TCF3: variants seen among roughly 807,000 people sequenced by gnomAD.
TCF3 encodes the protein transcription factor E2-alpha.
TCF3 carries 54 observed loss-of-function variants against 72.3 expected under a neutral mutation model. The ratio of observed to expected loss-of-function variants is 0.75; its 90% CI spans 0.60 to 0.94. The LOEUF (loss-of-function observed/expected upper bound fraction) is 0.94. Among genes scored for constraint, TCF3 ranks in the 40% least tolerant of loss-of-function variants. The probability of loss-of-function intolerance (pLI) is 0.00; values close to 1 mark genes in which losing one functional copy is unlikely to be tolerated. For synonymous variants in TCF3, 525 were observed against 412.6 expected (o/e 1.27, Z -3.30); for missense variants, 1,078 against 934.4 (o/e 1.15, Z -2.00).
At chr19:1,623,380 C>T (rs570884339) in intron 8 of TCF3, among the ~76,000 whole-genome samples, 107 of 148,518 alleles carry the variant, frequency 7.2e-4, no homozygotes, top group Admixed American at 2.8e-3. Flanking sequence ...CGGCACCCCC[C>T]GCTTTTTTTT....
chr19:1,641,771 T>A (rs1044968082), intron 3 of TCF3, among the ~76,000 whole-genome samples: 4 of 152,072 alleles, frequency 2.6e-5, no homozygotes, highest in East Asian at 1.9e-4. Context: ...TCTTTTTTTT[T>A]AAACAGAGAC....
intron 3 of TCF3, 120 bp downstream of exon 3, chr19:1,646,235 G>A: frequency 9.0e-7 from 1 of 1,113,924 alleles, no homozygotes; most frequent in South Asian, 1.5e-5. Flanking sequence ...CCCGGCCTGT[G>A]TGGCCCTTTC....
At chr19:1,629,822 G>A (rs999638528) in intron 5 of TCF3, among the ~76,000 whole-genome samples, 24 of 152,162 alleles carry the variant, frequency 1.6e-4, no homozygotes, top group Non-Finnish European at 2.9e-4. Flanking sequence ...AAAGTTCAAC[G>A]ATTTCCCAAC....
chr19:1,644,966 T>C (rs1342771961), intron 3 of TCF3, among the ~76,000 whole-genome samples: 1 of 152,072 alleles, frequency 6.6e-6, no homozygotes, highest in Non-Finnish European at 1.5e-5. Flanking sequence ...CTGGGGCTGT[T>C]TCCGGGGGGC....
At position 1,610,501 on chromosome 19, in the gene TCF3, C is replaced by G. The variant is rs2060906280; in HGVS notation, c.*1206G>C. 8.6e-6 allele frequency: 2 copies of G among 231,348 alleles called. No homozygotes were observed. Among genetic ancestry groups the G allele is most frequent in the Non-Finnish European group, 1.7e-5 (2 of 117,020 alleles). The allele number at this position is 231,348 out of a possible 1,614,324, so 14.3% of individuals were successfully genotyped here. ...GAGTTCAGAGCATGAGCCTGGGTCC[C>G]TGGGGCAAAGGAGTGAAGGACAGGG... is the stretch of plus-strand genomic sequence containing the variant. On this transcript the variant is annotated 3_prime_UTR_variant, in exon 19 of 19. Coordinates refer to ENST00000262965, the MANE Select transcript of TCF3 (RefSeq NM_003200.5).
In TCF3 at chr19:1,609,582, G is replaced by C. The variant is rs2060847301; in HGVS notation, c.*2125C>G. On this transcript the variant is annotated 3_prime_UTR_variant, in exon 19 of 19. Coordinates refer to ENST00000262965, the MANE Select transcript of TCF3 (RefSeq NM_003200.5). ...AACGCACAGTTCCAGAGGCTATGGG[G>C]CCACTGCCCACCCAGACCTAGGGGC... 1 of 221,906 alleles carries C rather than the reference G, an allele frequency of 4.5e-6. No homozygotes were observed. The highest frequency in any genetic ancestry group is 5.8e-5 in the Admixed American group (1 of 17,334). The allele number at this position is 221,906 out of a possible 1,614,324, so 13.7% of individuals were successfully genotyped here. A position where few individuals can be genotyped will look rare whatever the true frequency, so the allele number is the denominator to read the frequency against.
At chr19:1,630,196 G>A (rs897428818) in intron 5 of TCF3, among the ~76,000 whole-genome samples, 7 of 152,162 alleles carry the variant, frequency 4.6e-5, no homozygotes, top group African/African-American at 1.7e-4. Context: ...GAAGAGGCTG[G>A]GAGGAAGGAA....
chr19:1,652,109 G>C (rs570094068), intron 1 of TCF3, among the ~76,000 whole-genome samples, 191 bp downstream of exon 1: 189 of 149,646 alleles, frequency 1.3e-3, no homozygotes, highest in African/African-American at 4.5e-3. Context: ...GCTCCTCCAC[G>C]TCGCCGCCCC....
chr19:1,618,367 G>T (rs1000652513), intron 16 of TCF3, among the ~76,000 whole-genome samples: 1 of 152,100 alleles, frequency 6.6e-6, no homozygotes, highest in African/African-American at 2.4e-5. Flanking sequence ...TGTCCTCCAA[G>T]CAGCCACCAG....
At chr19:1,637,904 A>G (rs550443450) in intron 3 of TCF3, among the ~76,000 whole-genome samples, 22 of 151,984 alleles carry the variant, frequency 1.4e-4, no homozygotes, top group African/African-American at 4.6e-4. Context: ...GCGAGACTCC[A>G]CCTCAAAAAA....
At chr19:1,648,078 G>A (rs920619451) in intron 2 of TCF3, among the ~76,000 whole-genome samples, 5 of 152,160 alleles carry the variant, frequency 3.3e-5, no homozygotes, top group Non-Finnish European at 7.4e-5. Context: ...CGGGTCCTTC[G>A]TTCCCGACCA....
Position 1,618,964 on chromosome 19 carries a change from C to T in TCF3, c.1450+147G>A, listed in dbSNP as rs967113909. 1.3e-5 allele frequency: 18 copies of T among 1,353,994 alleles called. No homozygotes were observed. The African/African-American group carries it at 2.5e-4, about 19-fold the overall frequency. 83.9% of individuals were successfully genotyped at this position (1,353,994 alleles called of 1,614,324 possible). A position where few individuals can be genotyped will look rare whatever the true frequency, so the allele number is the denominator to read the frequency against. On this transcript the variant is annotated intron_variant, in intron 16 of 18. Coordinates refer to ENST00000262965, the MANE Select transcript of TCF3 (RefSeq NM_003200.5). The stretch of plus-strand genomic sequence containing the variant: ...GGCCCCGCCGGTCTTACCCACCCTC[C>T]TGAAGTTGCTGACTGGGGCGCCCAT...
intron 8 of TCF3, 148 bp downstream of exon 8, chr19:1,623,803 T>G: frequency 1.3e-6 from 1 of 758,836 alleles, no homozygotes; most frequent in Non-Finnish European, 2.1e-6. Flanking sequence ...CGGCCTCGGG[T>G]CAGAGCTCAG....
chr19:1,622,330 G>A lies in TCF3; in HGVS notation c.635C>T (p.Ala212Val), dbSNP rs374229587. Reference protein sequence around the residue: ...SAKTPSSTYPAPFYVADGSLH... With the variant: ...SAKTPSSTYPVPFYVADGSLH... ...CCATGTACCTGCCACGTAGAAGGGG[G>A]CGGGATAGGTGCTGCTGGGGGTCTT... The change falls in exon 9 of 19, where the codon GCC becomes GTC. Residue 212 changes from alanine to valine, a missense_variant. Coordinates refer to ENST00000262965, the MANE Select transcript of TCF3 (RefSeq NM_003200.5). The A allele has an allele frequency of 3.0e-4, 458 of 1,535,644 alleles. No homozygotes were observed. Among genetic ancestry groups the A allele is most frequent in the Non-Finnish European group, 3.8e-4 (436 of 1,141,194 alleles).
chr19:1,640,155 C>G (rs931061632), intron 3 of TCF3, among the ~76,000 whole-genome samples: 1 of 152,112 alleles, frequency 6.6e-6, no homozygotes, highest in Non-Finnish European at 1.5e-5. Context: ...ATCAAAGAGC[C>G]GAACGGGGCC....
rs77305384 is a variant in TCF3, at chr19:1,638,663, C to T, written c.146-6258G>A. Among the ~76,000 whole-genome samples the T allele has an allele frequency of 7.6e-3, 1,160 of 152,304 alleles. 16 individuals carry two copies. The highest frequency in any genetic ancestry group is 0.054 in the Middle Eastern group (16 of 294). On this transcript the variant is annotated intron_variant, in intron 3 of 18. Coordinates refer to ENST00000262965, the MANE Select transcript of TCF3 (RefSeq NM_003200.5). ...GATTTCACTTCGGACGTTGAGAGCG[C>T]GAGAAACGGCGTGTTTAAACGTGTT...
intron 18 of TCF3, chr19:1,612,463 T>C (rs2061103016): frequency 6.3e-7 from 1 of 1,579,614 alleles, no homozygotes; most frequent in Non-Finnish European, 8.7e-7. Context: ...CCTCTGTTAG[T>C]GATGCGCCAA....
intron 6 of TCF3, 96 bp from the exon 7 acceptor site, chr19:1,625,804 A>T: frequency 7.2e-7 from 1 of 1,381,944 alleles, no homozygotes; most frequent in Non-Finnish European, 9.4e-7. Flanking sequence ...AGCCACTCAG[A>T]CCCGCCCTGC....
At chr19:1,646,527 G>T in intron 2 of TCF3, 100 bp from the exon 3 acceptor site, 1 of 1,092,508 alleles carries the variant, frequency 9.2e-7, no homozygotes, top group Non-Finnish European at 1.3e-6. Context: ...GGGGACACCC[G>T]GGAACCTGAG....
Sources: gnomAD v4.1 joint callset for allele counts (sites outside exome capture counted in the v4.1 genomes callset) on GRCh38, gnomAD v4.1.1 for gene constraint, MANE v1.5 for transcripts, NCBI Gene and HGNC (gene_info 2026-07-23, HGNC 2026-07-21) for gene names.